NT5DC3: variants seen among roughly 807,000 people sequenced by gnomAD.
NT5DC3 encodes 5'-nucleotidase domain containing 3.
In NT5DC3, 42 loss-of-function variants were observed where a neutral mutation model predicts 67.8. The observed-to-expected ratio is 0.62, with a 90% CI of 0.48 to 0.80. The LOEUF (loss-of-function observed/expected upper bound fraction) is 0.80. Among genes scored for constraint, NT5DC3 ranks in the 30% least tolerant of loss-of-function variants. NT5DC3 has a pLI of 0.00. For synonymous variants in NT5DC3, 237 were observed against 255.6 expected (o/e 0.93, Z 0.69); for missense variants, 570 against 696.4 (o/e 0.82, Z 2.04).
At chr12:103,766,589 G>C, downstream of NT5DC3, 1 of 469,318 alleles carries the variant, frequency 2.1e-6, no homozygotes, top group Non-Finnish European at 3.9e-6. Flanking sequence ...GCTCCATTCT[G>C]CCCTACATGA....
At chr12:103,822,831 A>G (rs1887546078) in intron 1 of NT5DC3, among the ~76,000 whole-genome samples, 1 of 152,222 alleles carries the variant, frequency 6.6e-6, no homozygotes. Context: ...CCAGGAATCT[A>G]TGCTAAGGAA....
chr12:103,822,843 T>C (rs1887546562), intron 1 of NT5DC3, among the ~76,000 whole-genome samples: 1 of 152,132 alleles, frequency 6.6e-6, no homozygotes, highest in South Asian at 2.1e-4. Flanking sequence ...GCTAAGGAAA[T>C]AGAGATATAG....
intron 5 of NT5DC3, among the ~76,000 whole-genome samples, chr12:103,798,334 C>T (rs904456192): frequency 6.6e-6 from 1 of 152,148 alleles, no homozygotes; most frequent in African/African-American, 2.4e-5. Flanking sequence ...AAACTAGGGA[C>T]ATTCCTGGAG....
chr12:103,833,314 C>T (rs1444966481), intron 1 of NT5DC3, among the ~76,000 whole-genome samples: 2 of 152,214 alleles, frequency 1.3e-5, no homozygotes, highest in Non-Finnish European at 2.9e-5. Flanking sequence ...TCTTTAACCA[C>T]ATCTCTCAAA....
Position 103,840,964 on chromosome 12 carries a change from TC to T in NT5DC3, c.192del (p.Lys65ArgfsTer12). 7.4e-7 allele frequency: 1 copy of T among 1,349,964 alleles called. No individual in the cohort carries two copies. Among genetic ancestry groups the T allele is most frequent in the Non-Finnish European group, 9.6e-7 (1 of 1,044,630 alleles). 83.6% of individuals were successfully genotyped at this position (1,349,964 alleles called of 1,614,324 possible). ...KRYLWERYRE[A>X]KRSTEELVPS... is the part of the protein sequence containing the mutation. ...CCTCACTCACCTTCTGTGCTTCTCT[TC>T]GCCTCCCGGTAGCGCTCCCACAGGT... On this transcript the variant is annotated frameshift_variant, in exon 1 of 14. Coordinates refer to ENST00000392876, the MANE Select transcript of NT5DC3 (RefSeq NM_001031701.3). LOFTEE classifies it high-confidence loss of function.
intron 9 of NT5DC3, among the ~76,000 whole-genome samples, chr12:103,792,465 A>G (rs1886107681): frequency 6.6e-6 from 1 of 152,226 alleles, no homozygotes; most frequent in Non-Finnish European, 1.5e-5. Flanking sequence ...CCATTATTAT[A>G]CAAATACAAG....
At chr12:103,838,383 C>T (rs144342679) in intron 1 of NT5DC3, among the ~76,000 whole-genome samples, 31 of 152,290 alleles carry the variant, frequency 2.0e-4, no homozygotes, top group African/African-American at 6.7e-4. Context: ...CCATTGCTCA[C>T]CTGAACCCTA....
chr12:103,779,454 T>G lies in NT5DC3; in HGVS notation c.1394+846A>C, dbSNP rs746991168. Among the ~76,000 whole-genome samples, 24 of 152,262 alleles carry G rather than the reference T, an allele frequency of 1.6e-4. No individual in the cohort carries two copies. The South Asian group carries it at 3.9e-3, about 25-fold the overall frequency. ...AAAGCCACTAGTTAGTTGGTAGCAGTTAGAATAAGACTCAGACAGCCAACA... is the reference window on the plus strand; with the variant it reads ...AAAGCCACTAGTTAGTTGGTAGCAGGTAGAATAAGACTCAGACAGCCAACA... On this transcript the variant is annotated intron_variant, in intron 13 of 13. Coordinates refer to ENST00000392876, the MANE Select transcript of NT5DC3 (RefSeq NM_001031701.3).
chr12:103,780,269 G>T, intron 13 of NT5DC3, 31 bp downstream of exon 13: 4 of 1,584,646 alleles, frequency 2.5e-6, no homozygotes, highest in Non-Finnish European at 3.5e-6. Context: ...CAGGGTGGTG[G>T]ACGCGCACAT....
At chr12:103,819,353 C>G (rs1477492863) in intron 1 of NT5DC3, among the ~76,000 whole-genome samples, 3 of 152,370 alleles carry the variant, frequency 2.0e-5, no homozygotes, top group South Asian at 2.1e-4. Flanking sequence ...AAAACAGAAA[C>G]AGTCTGGCTA....
intron 1 of NT5DC3, among the ~76,000 whole-genome samples, chr12:103,836,220 A>G (rs1319912353): frequency 6.6e-6 from 1 of 152,102 alleles, no homozygotes; most frequent in Admixed American, 6.5e-5. Context: ...TTCAAAACCA[A>G]TCATGCCTTC....
chr12:103,798,647 G>T lies in NT5DC3; in HGVS notation c.555C>A (p.Val185=). 6.2e-7 allele frequency: 1 copy of T among 1,613,914 alleles called. No homozygotes were observed. The highest frequency in any genetic ancestry group is 1.1e-5 in the South Asian group (1 of 91,072). The change falls in exon 5 of 14, where the codon GTC becomes GTA. Residue 185 remains valine, a synonymous_variant. Coordinates refer to ENST00000392876, the MANE Select transcript of NT5DC3 (RefSeq NM_001031701.3). ...RGLSVVPDEE[V]IEMYEGSHVP... The stretch of plus-strand genomic sequence containing the variant: ...CGTGGGACCCCTCGTACATTTCAAT[G>T]ACTTCTTCATCAGGGACAACACTGA...
chr12:103,827,301 C>CATATCTTAAA (rs1207755801), intron 1 of NT5DC3, among the ~76,000 whole-genome samples: 3 of 152,124 alleles, frequency 2.0e-5, no homozygotes, highest in Non-Finnish European at 4.4e-5. Context: ...TCAATAAATA[C>CATATCTTAAA]ATATCTTAAA....
Position 103,774,191 on chromosome 12 carries a change from C to A in NT5DC3, c.*3638G>T, listed in dbSNP as rs1298340076. On this transcript the variant is annotated 3_prime_UTR_variant, in exon 14 of 14. Transcript: ENST00000392876. ...GTGATGGCTGCTGCCCTGGACTCAT[C>A]ATTGTTCACATAATTCTTAGAAAAT... 4 of 152,244 alleles carry A rather than the reference C, an allele frequency of 2.6e-5. No individual in the cohort carries two copies. The highest frequency in any genetic ancestry group is 5.9e-5 in the Non-Finnish European group (4 of 68,038). 9.4% of individuals were successfully genotyped at this position (152,244 alleles called of 1,614,324 possible).
At chr12:103,811,831 G>A (rs765913681) in intron 2 of NT5DC3, among the ~76,000 whole-genome samples, 2 of 152,062 alleles carry the variant, frequency 1.3e-5, no homozygotes, top group African/African-American at 2.4e-5. Flanking sequence ...CAACCTTTCC[G>A]TAAGCCTAAA....
chr12:103,840,434 C>CATCTCATCT (rs1888359170), intron 1 of NT5DC3, among the ~76,000 whole-genome samples: 1 of 129,376 alleles, frequency 7.7e-6, no homozygotes, highest in Non-Finnish European at 1.7e-5. Flanking sequence ...CCATCCCATT[C>CATCTCATCT]CATCCCATCC....
chr12:103,747,349 T>C, the NT5DC3 span, among the ~76,000 whole-genome samples: 2 of 152,310 alleles, frequency 1.3e-5, no homozygotes, highest in Non-Finnish European at 2.9e-5. Flanking sequence ...TATTGTCTCA[T>C]ATAACAGGTT....
At chr12:103,814,473 TC>T (rs956479880) in intron 2 of NT5DC3, among the ~76,000 whole-genome samples, 2 of 152,220 alleles carry the variant, frequency 1.3e-5, no homozygotes, top group Non-Finnish European at 2.9e-5. Flanking sequence ...TTGCATATTT[TC>T]TTTTTTTCCT....
intron 1 of NT5DC3, among the ~76,000 whole-genome samples, chr12:103,831,066 G>A (rs1225891141): frequency 6.6e-6 from 1 of 152,148 alleles, no homozygotes; most frequent in Non-Finnish European, 1.5e-5. Flanking sequence ...TTTCTCAGTT[G>A]GGATTGTGAT....
Sources: gnomAD v4.1 joint callset for allele counts (sites outside exome capture counted in the v4.1 genomes callset) on GRCh38, gnomAD v4.1.1 for gene constraint, MANE v1.5 for transcripts, NCBI Gene and HGNC (gene_info 2026-07-23, HGNC 2026-07-21) for gene names.